Variants in MAGI2 observed in about 807,000 individuals in gnomAD.
MAGI2 encodes the protein membrane associated guanylate kinase, WW and PDZ domain containing 2.
In MAGI2, 35 loss-of-function variants were observed where a neutral mutation model predicts 133.3. The ratio of observed to expected loss-of-function variants is 0.26; its 90% confidence interval spans 0.20 to 0.35. The LOEUF (loss-of-function observed/expected upper bound fraction) is 0.35, where lower values mean the gene tolerates loss of function less well. MAGI2 is among the 10% of genes least tolerant of loss of function. The pLI is 1.00. For missense variants in MAGI2, 1,636 were observed against 1,863.4 expected, an observed-to-expected ratio of 0.88 and a Z score of 2.25; for synonymous variants, 729 against 710.6, an observed-to-expected ratio of 1.03 and a Z score of -0.41.
chr7:78,382,726 C>T (rs993808512), intron 6 of MAGI2, among the ~76,000 whole-genome samples: 9 of 151,962 alleles, frequency 5.9e-5, no homozygotes, highest in African/African-American at 2.2e-4. Flanking sequence ...TGTACTTTTG[C>T]ACCCTTTAAC....
At chr7:79,058,517 T>C (rs1813380945) in intron 1 of MAGI2, among the ~76,000 whole-genome samples, 1 of 152,100 alleles carries the variant, frequency 6.6e-6, no homozygotes, top group African/African-American at 2.4e-5. Context: ...CAGTGGGTAA[T>C]ACTTTTACCC....
At chr7:78,698,120 A>G (rs1342633290) in intron 2 of MAGI2, among the ~76,000 whole-genome samples, 1 of 152,218 alleles carries the variant, frequency 6.6e-6, no homozygotes, top group Non-Finnish European at 1.5e-5. Flanking sequence ...ACTAATACGA[A>G]TGCTTTCCAC....
chr7:79,343,379 G>A (rs1271783667), intron 1 of MAGI2: 1 of 152,006 alleles, frequency 6.6e-6, no homozygotes, highest in Non-Finnish European at 1.5e-5. Flanking sequence ...GCACCATGAG[G>A]AACCACTTTG....
rs146034686 is a variant in MAGI2, at chr7:78,119,239, C to T, written c.3567+6455G>A. The stretch of plus-strand genomic sequence containing the variant: ...ATGATACTATAATGTGGATACATGC[C>T]ATTATACATTTGTCCAAACCCATAG... On this transcript the variant is annotated intron_variant, in intron 20 of 21. Transcript: ENST00000354212. 6.3e-3 allele frequency among the ~76,000 whole-genome samples: 963 copies of T among 152,190 alleles called. 12 individuals are homozygous for T. Among genetic ancestry groups the T allele is most frequent in the African/African-American group, 0.022 (910 of 41,530 alleles).
chr7:78,764,400 C>T (rs1008994272), intron 2 of MAGI2, among the ~76,000 whole-genome samples: 10 of 152,250 alleles, frequency 6.6e-5, no homozygotes, highest in African/African-American at 2.4e-4. Flanking sequence ...GTCCTAACTT[C>T]TAGGGTCTCA....
At position 78,719,283 on chromosome 7, in the gene MAGI2, G is replaced by A. The variant is rs184785030; in HGVS notation, c.419-92044C>T. 2.9e-3 allele frequency among the ~76,000 whole-genome samples: 444 copies of A among 152,080 alleles called. 1 individual carries two copies. The highest frequency in any genetic ancestry group is 0.021 in the Middle Eastern group (6 of 292). ...AAACAATTGAAGTCTTACAAATACT[G>A]CATGTCCAAATAAAATAATACCCAT... On this transcript the variant is annotated intron_variant, in intron 2 of 21. Transcript: ENST00000354212.
At chr7:79,071,626 ATTT>A (rs34186484) in intron 1 of MAGI2, among the ~76,000 whole-genome samples, 194 of 146,960 alleles carry the variant, frequency 1.3e-3, no homozygotes, top group African/African-American at 2.9e-3. Flanking sequence ...GCTTCCTGCA[ATTT>A]TTTTTTTTTT....
chr7:78,435,083 A>G (rs1409595240), intron 6 of MAGI2, among the ~76,000 whole-genome samples: 1 of 152,140 alleles, frequency 6.6e-6, no homozygotes, highest in Non-Finnish European at 1.5e-5. Context: ...CACCTGTGTC[A>G]TCTTGGACAA....
intron 1 of MAGI2, among the ~76,000 whole-genome samples, chr7:79,349,812 A>C (rs1841572422): frequency 6.6e-6 from 1 of 151,982 alleles, no homozygotes; most frequent in Non-Finnish European, 1.5e-5. Context: ...CTTTAGAGCC[A>C]ATTATTTTGA....
chr7:79,379,936 C>G lies in MAGI2; in HGVS notation c.301+73084G>C, dbSNP rs549763622. The stretch of plus-strand genomic sequence containing the variant: ...TAATAAATGGTGCTAGGAAAACTGG[C>G]TAGCCATATGTAGAAAGCTGAAACT... On this transcript the variant is annotated intron_variant, in intron 1 of 21. Coordinates refer to ENST00000354212, the MANE Select transcript of MAGI2 (RefSeq NM_012301.4). 3.3e-5 allele frequency among the ~76,000 whole-genome samples: 5 copies of G among 151,294 alleles called. No homozygotes were observed. The South Asian group carries it at 1.0e-3, about 31-fold the overall frequency.
chr7:79,180,688 G>A (rs1260013437), intron 1 of MAGI2, among the ~76,000 whole-genome samples: 1 of 151,796 alleles, frequency 6.6e-6, no homozygotes, highest in Non-Finnish European at 1.5e-5. Flanking sequence ...CTTCCCAACA[G>A]TCCCCCAAAG....
intron 2 of MAGI2, among the ~76,000 whole-genome samples, chr7:78,721,677 C>T (rs1820282288): frequency 6.6e-6 from 1 of 152,088 alleles, no homozygotes; most frequent in Admixed American, 6.5e-5. Context: ...TCTCAAAGAA[C>T]TAAGATGGTA....
chr7:78,050,905 C>T (rs936997849), intron 21 of MAGI2, among the ~76,000 whole-genome samples: 1 of 152,142 alleles, frequency 6.6e-6, no homozygotes, highest in African/African-American at 2.4e-5. Context: ...AGCAGCAACC[C>T]CCTGTTGAAG....
chr7:78,963,426 C>G (rs1803029495), intron 2 of MAGI2, among the ~76,000 whole-genome samples: 3 of 152,080 alleles, frequency 2.0e-5, no homozygotes, highest in Non-Finnish European at 4.4e-5. Context: ...TAAACATCCT[C>G]AAAACATCTT....
intron 21 of MAGI2, among the ~76,000 whole-genome samples, chr7:78,056,011 ATG>A (rs1441764450): frequency 6.6e-6 from 1 of 152,068 alleles, no homozygotes; most frequent in Non-Finnish European, 1.5e-5. Context: ...CAGTAGTGTT[ATG>A]TGTAACAGAT....
intron 1 of MAGI2, among the ~76,000 whole-genome samples, chr7:79,020,286 G>A (rs1165166781): frequency 6.6e-6 from 1 of 152,216 alleles, no homozygotes; most frequent in Non-Finnish European, 1.5e-5. Context: ...CATTCAACAT[G>A]TGACTTTGGT....
intron 15 of MAGI2, among the ~76,000 whole-genome samples, chr7:78,164,984 AT>A (rs1242363195): frequency 6.6e-6 from 1 of 152,264 alleles, no homozygotes; most frequent in Non-Finnish European, 1.5e-5. Context: ...TGGATAAGGC[AT>A]CTTCTCTCAA....
At chr7:78,564,286 T>C (rs1584652210) in intron 3 of MAGI2, among the ~76,000 whole-genome samples, 1 of 152,212 alleles carries the variant, frequency 6.6e-6, no homozygotes, top group African/African-American at 2.4e-5. Flanking sequence ...TAATCTGATT[T>C]AATCTGTCAC....
chr7:79,331,812 G>A (rs545903490), intron 1 of MAGI2, among the ~76,000 whole-genome samples: 17 of 151,876 alleles, frequency 1.1e-4, no homozygotes, highest in East Asian at 7.8e-4. Context: ...ATCATTTTTC[G>A]CCTAAAAAGG....
Sources: gnomAD v4.1 joint callset for allele counts (sites outside exome capture counted in the v4.1 genomes callset) on GRCh38, gnomAD v4.1.1 for gene constraint, MANE v1.5 for transcripts, NCBI Gene and HGNC (gene_info 2026-07-23, HGNC 2026-07-21) for gene names.